Variants in EPG5 observed in about 807,000 individuals in gnomAD.
EPG5 encodes ectopic P granules protein 5 homolog.
A neutral mutation model predicts 302.7 loss-of-function variants in EPG5; 159 were observed. The ratio of observed to expected loss-of-function variants is 0.53; its 90% CI spans 0.46 to 0.60. The LOEUF is 0.60. Ranked by LOEUF, EPG5 falls within the 20% of genes least tolerant of loss-of-function variation. The pLI is 0.00. For missense variants in EPG5, 2,896 were observed against 3,092.4 expected, an observed-to-expected ratio of 0.94 and a Z score of 1.51; for synonymous variants, 1,158 against 1,136.8, an observed-to-expected ratio of 1.02 and a Z score of -0.37.
At chr18:45,877,381 T>C (rs1476964186) in intron 34 of EPG5, among the ~76,000 whole-genome samples, 2 of 152,188 alleles carry the variant, frequency 1.3e-5, no homozygotes, top group Non-Finnish European at 2.9e-5. Context: ...ATCACGTCAC[T>C]GCACTCCAGC....
In EPG5 at chr18:45,923,294, C is replaced by T. The variant is rs773907627; in HGVS notation, c.2812G>A (p.Gly938Arg). ...QKYLAQKPYA[G>R]ILSESMKQVS... ...TGCTTCATACTTTCAGAGAGAATCC[C>T]AGCATATGGCTTCTGTGCAAGGTAC... Residue 938 changes from glycine (G) to arginine (R), a missense_variant, in exon 15 of 44, where the codon GGG (glycine) becomes AGG (arginine). Gly to Arg is a moderately radical substitution (Grantham distance 125). This residue lies in a region of EPG5 where 1,390 missense variants were observed against 1,430.0 expected (regional missense o/e 0.97). Transcript: ENST00000282041. The T allele has an allele frequency of 3.2e-5, 52 of 1,613,756 alleles. No homozygotes were observed. The highest frequency in any genetic ancestry group is 1.8e-4 in the Admixed American group (11 of 59,972).
the EPG5 span, chr18:45,837,813 GC>G: frequency 6.5e-7 from 1 of 1,531,484 alleles, no homozygotes; most frequent in African/African-American, 1.4e-5. Context: ...GCTGACGACC[GC>G]CGCTACTTCT....
In EPG5 at chr18:45,848,048, C is replaced by A. The variant is rs1376396969; in HGVS notation, c.*4419G>T. 1 of 151,772 alleles carries A rather than the reference C, an allele frequency of 6.6e-6. No homozygotes were observed. Among genetic ancestry groups the A allele is most frequent in the Admixed American group, 6.6e-5 (1 of 15,226 alleles). 9.4% of individuals were successfully genotyped at this position (151,772 alleles called of 1,614,324 possible). A position where few individuals can be genotyped will look rare whatever the true frequency, so the allele number is the denominator to read the frequency against. On this transcript the variant is annotated 3_prime_UTR_variant, in exon 44 of 44. Transcript: ENST00000282041. ...CAGGAACCTACCAGAGTGAAGGAAA[C>A]CTCAAATACAGCTACTCCTGGACAC...
chr18:45,837,956 C>T, the EPG5 span: 1 of 1,420,292 alleles, frequency 7.0e-7, no homozygotes, highest in Non-Finnish European at 9.1e-7. Flanking sequence ...CTGCCCCGCC[C>T]CAAGGGCTAC....
At chr18:45,842,974 CT>C (rs1180586810), downstream of EPG5, 1 of 152,384 alleles carries the variant, frequency 6.6e-6, no homozygotes, top group Admixed American at 6.5e-5. Context: ...CCCATGCCCC[CT>C]GGGATCTCCA....
intron 11 of EPG5, among the ~76,000 whole-genome samples, chr18:45,932,819 T>C (rs922653453): frequency 1.3e-5 from 2 of 151,934 alleles, no homozygotes; most frequent in Non-Finnish European, 2.9e-5. Flanking sequence ...AAGATAAAAG[T>C]GCCGTGGAAG....
At chr18:45,944,757 A>G (rs962571136) in intron 7 of EPG5, among the ~76,000 whole-genome samples, 16 of 152,226 alleles carry the variant, frequency 1.1e-4, no homozygotes, top group African/African-American at 3.1e-4. Flanking sequence ...TCCATCTCAA[A>G]AAAAACAAGA....
chr18:45,916,279 T>C (rs1425466072), intron 18 of EPG5, 73 bp from the exon 19 acceptor site: 12 of 1,532,394 alleles, frequency 7.8e-6, no homozygotes, highest in Non-Finnish European at 1.1e-5. Flanking sequence ...AACAAAATGC[T>C]ATCTACCTCC....
the EPG5 span, among the ~76,000 whole-genome samples, chr18:45,811,919 C>A: frequency 1.3e-5 from 2 of 152,018 alleles, no homozygotes; most frequent in East Asian, 3.9e-4. Flanking sequence ...CTGGCCAGGG[C>A]AATCAGGCAG....
rs1419359361 is a variant in EPG5 at position 45,849,941 on chromosome 18, C to T, written c.*2526G>A. 1.3e-5 allele frequency: 2 copies of T among 152,264 alleles called. No homozygotes were observed. Among genetic ancestry groups the T allele is most frequent in the Non-Finnish European group, 2.9e-5 (2 of 68,058 alleles). 9.4% of individuals were successfully genotyped at this position (152,264 alleles called of 1,614,324 possible). A position where few individuals can be genotyped will look rare whatever the true frequency, so the allele number is the denominator to read the frequency against. On this transcript the variant is annotated 3_prime_UTR_variant, in exon 44 of 44. Transcript: ENST00000282041. ...TCTATGTCTGGTGTGTTCCAGCATT[C>T]TGCCCTTCACTTGTTCTATTAATAG...
At chr18:45,837,903 C>A in the EPG5 span, 12 of 1,496,922 alleles carry the variant, frequency 8.0e-6, no homozygotes, top group Non-Finnish European at 7.9e-6. Context: ...ACAGGCGAGG[C>A]GGCGTGGGAG....
intron 28 of EPG5, 55 bp downstream of exon 28, chr18:45,889,743 T>G: frequency 6.6e-7 from 1 of 1,512,548 alleles, no homozygotes; most frequent in Non-Finnish European, 9.0e-7. Flanking sequence ...GCATGTATGA[T>G]TACTATTCAT....
intron 12 of EPG5, among the ~76,000 whole-genome samples, chr18:45,929,224 A>G (rs2050346265): frequency 6.6e-6 from 1 of 152,250 alleles, no homozygotes; most frequent in African/African-American, 2.4e-5. Flanking sequence ...GCAACTTCTT[A>G]TAACAATGAC....
At chr18:45,966,750 A>C (rs1323671739) in intron 1 of EPG5, among the ~76,000 whole-genome samples, 1 of 152,202 alleles carries the variant, frequency 6.6e-6, no homozygotes, top group Non-Finnish European at 1.5e-5. Flanking sequence ...AGTTCTGCCA[A>C]AGGTACCTTC....
intron 23 of EPG5, among the ~76,000 whole-genome samples, chr18:45,908,284 C>T (rs374301035): frequency 2.0e-5 from 3 of 151,838 alleles, no homozygotes; most frequent in African/African-American, 7.3e-5. Context: ...AAATATGATG[C>T]GATAATTGCT....
chr18:45,934,709 A>C (rs1478426222), intron 11 of EPG5, 100 bp downstream of exon 11: 5 of 1,371,498 alleles, frequency 3.6e-6, no homozygotes, highest in Non-Finnish European at 4.9e-6. Context: ...TGTAGAGTAA[A>C]ACATTTTCTC....
Position 45,865,657 on chromosome 18 carries a change from T to C in EPG5, c.6724A>G (p.Met2242Val). The change falls in exon 39 of 44, where the codon ATG becomes GTG. Residue 2242 changes from methionine (M) to valine (V), a missense_variant. Met to Val is a conservative substitution (Grantham distance 21, BLOSUM62 1). Around this residue, in one of 5 missense-constraint regions of EPG5, gnomAD observed 620 missense variants for 704.2 expected, o/e 0.88. Coordinates refer to ENST00000282041, the MANE Select transcript of EPG5 (RefSeq NM_020964.3). The part of the protein sequence containing the change: ...KITLAVLEQE[M>V]SKLLDDIIVF... ...ATGATATCGTCTAAGAGCTTAGACATTTCCTGTTCTAGGACTGCTAAGGTG... is the reference window on the plus strand; with the variant it reads ...ATGATATCGTCTAAGAGCTTAGACACTTCCTGTTCTAGGACTGCTAAGGTG... The C allele has an allele frequency of 6.2e-7, 1 of 1,614,082 alleles. No homozygotes were observed. The highest frequency in any genetic ancestry group is 8.5e-7 in the Non-Finnish European group (1 of 1,179,978).
At chr18:45,959,192 T>TAAA (rs2051093908) in intron 1 of EPG5, among the ~76,000 whole-genome samples, 1 of 152,200 alleles carries the variant, frequency 6.6e-6, no homozygotes, top group Non-Finnish European at 1.5e-5. Flanking sequence ...AGTTACAAAA[T>TAAA]TAGCCAGGCA....
At position 45,852,566 on chromosome 18, in the gene EPG5, T is replaced by C. The variant is rs746264665; in HGVS notation, c.7641A>G (p.Ile2547Met). 6.2e-7 allele frequency: 1 copy of C among 1,614,070 alleles called. No individual in the cohort carries two copies. The highest frequency in any genetic ancestry group is 8.5e-7 in the Non-Finnish European group (1 of 1,180,018). The change falls in exon 44 of 44, where the codon ATA (isoleucine) becomes ATG (methionine). Residue 2547 changes from isoleucine to methionine, a missense_variant. Physicochemically the swap from Ile to Met is conservative, Grantham distance 10. This residue lies in a region of EPG5 where 620 missense variants were observed against 704.2 expected (regional missense o/e 0.88). Coordinates refer to ENST00000282041, the MANE Select transcript of EPG5 (RefSeq NM_020964.3). ...CTTGAAGGCAATGGCCAGGATGCCT[T>C]ATAAATTGGGTGGCTTGCAATATTT... ...QDQILQATQF[I>M]RHPGHCLQDG...
Sources: gnomAD v4.1 joint callset for allele counts (sites outside exome capture counted in the v4.1 genomes callset) on GRCh38, gnomAD v4.1.1 for gene constraint, gnomAD v4.1.1 regional missense constraint, MANE v1.5 for transcripts, NCBI Gene and HGNC (gene_info 2026-07-23, HGNC 2026-07-21) for gene names.